The following RSRP1 variants were observed in gnomAD, a reference collection of about 807,000 sequenced individuals.
RSRP1 encodes arginine and serine rich protein 1.
RSRP1 carries 37 observed loss-of-function variants against 33.0 expected under a neutral mutation model. The ratio of observed to expected loss-of-function variants is 1.12; its 90% CI spans 0.86 to 1.48. The LOEUF is 1.48. Among genes scored for constraint, RSRP1 ranks in the 40% most tolerant of loss-of-function variants. The pLI, the probability that RSRP1 is intolerant of heterozygous loss-of-function variation, is 0.00. For synonymous variants in RSRP1, 167 were observed against 158.7 expected, an observed-to-expected ratio of 1.05 and a Z score of -0.40; for missense variants, 402 against 385.3, an observed-to-expected ratio of 1.04 and a Z score of -0.36.
rs867139151 is a variant in RSRP1 at position 25,322,024 on chromosome 1, A to G, written c.-67+15954T>C. 217 of 871,596 alleles carry G rather than the reference A, an allele frequency of 2.5e-4. 32 individuals are homozygous for G. In the Middle Eastern group the frequency reaches 5.2e-3, roughly 21 times the overall value. The allele number at this position is 871,596 out of a possible 1,614,324, so 54.0% of individuals were successfully genotyped here. A position where few individuals can be genotyped will look rare whatever the true frequency, so the allele number is the denominator to read the frequency against. On this transcript the variant is annotated intron_variant, in intron 1 of 1. Coordinates refer to the RSRP1 transcript ENST00000561867. ...GTGCATGAACTTAAAAACATACCTG[A>G]GTATATATGTTGACTTGCTGTTTAT...
rs201507704 is a variant in RSRP1, at chr1:25,280,857, C to T, written c.-66-33828G>A. ...AACTCCTCAGCTCAAGCAATCCTCC[C>T]TCCTTGGCCTCCCAAAGTGCTGGGA... On this transcript the variant is annotated intron_variant, in intron 1 of 1. Coordinates refer to the RSRP1 transcript ENST00000561867. 1.5e-4 allele frequency among the ~76,000 whole-genome samples: 20 copies of T among 132,002 alleles called. 2 individuals are homozygous for T. The highest frequency in any genetic ancestry group is 6.9e-4 in the South Asian group (3 of 4,328). The allele number at this position is 132,002 out of a possible 152,430, so 86.6% of individuals were successfully genotyped here. A position where few individuals can be genotyped will look rare whatever the true frequency, so the allele number is the denominator to read the frequency against.
intron 1 of RSRP1, among the ~76,000 whole-genome samples, chr1:25,306,058 GCTTT>G (rs1643805946): frequency 7.6e-6 from 1 of 131,934 alleles, no homozygotes; most frequent in Non-Finnish European, 1.8e-5. Context: ...GTGGCCTCAT[GCTTT>G]CTTTCTAACC....
chr1:25,283,535 T>TAA (rs143319928), intron 1 of RSRP1, among the ~76,000 whole-genome samples: 1 of 109,230 alleles, frequency 9.2e-6, no homozygotes. Context: ...ATCTCGATAT[T>TAA]AAAAAAAAAA....
rs1307238266 is a variant in RSRP1, at chr1:25,299,091, A to C, written c.-67+38887T>G. Reference sequence around the variant, plus strand: ...TGGTGATAAAAAAAAAAAAAAAAAAAAAAAAACAGGCTGGGAGCAGTGGCT... The same window carrying C: ...TGGTGATAAAAAAAAAAAAAAAAAACAAAAAACAGGCTGGGAGCAGTGGCT... On this transcript the variant is annotated intron_variant, in intron 1 of 1. Transcript: ENST00000561867. Among the ~76,000 whole-genome samples, 4 of 126,802 alleles carry C rather than the reference A, an allele frequency of 3.2e-5. 1 individual carries two copies. Among genetic ancestry groups the C allele is most frequent in the East Asian group, 2.0e-4 (1 of 5,100 alleles). 83.2% of individuals were successfully genotyped at this position (126,802 alleles called of 152,430 possible). A position where few individuals can be genotyped will look rare whatever the true frequency, so the allele number is the denominator to read the frequency against.
At chr1:25,256,858 AT>A (rs1639965513) in intron 1 of RSRP1, among the ~76,000 whole-genome samples, 1 of 152,106 alleles carries the variant, frequency 6.6e-6, no homozygotes, top group African/African-American at 2.4e-5. Context: ...TGCATCAGGC[AT>A]CTCACAATGA....
chr1:25,275,446 T>C (rs1470795622), intron 1 of RSRP1, among the ~76,000 whole-genome samples: 2 of 131,596 alleles, frequency 1.5e-5, no homozygotes, highest in East Asian at 2.0e-4. Flanking sequence ...CCAGGGCTGG[T>C]GTTGGGCACA....
In RSRP1 at chr1:25,315,597, C is replaced by T. The variant is rs534658935; in HGVS notation, c.-67+22381G>A. 1.9e-4 allele frequency among the ~76,000 whole-genome samples: 24 copies of T among 125,166 alleles called. 3 individuals carry two copies. Among genetic ancestry groups the T allele is most frequent in the East Asian group, 5.9e-4 (3 of 5,044 alleles). 82.1% of individuals were successfully genotyped at this position (125,166 alleles called of 152,430 possible). A position where few individuals can be genotyped will look rare whatever the true frequency, so the allele number is the denominator to read the frequency against. ...CTGCAAACTCCACCTCCCAGGTTCACGCCGTTCTCCTGCCTCAGCCTCCTG... is the reference window on the plus strand; with the variant it reads ...CTGCAAACTCCACCTCCCAGGTTCATGCCGTTCTCCTGCCTCAGCCTCCTG... On this transcript the variant is annotated intron_variant, in intron 1 of 1. Transcript: ENST00000561867.
chr1:25,314,713 A>C lies in RSRP1; in HGVS notation c.-67+23265T>G, dbSNP rs1269856406. Among the ~76,000 whole-genome samples the C allele has an allele frequency of 1.4e-4, 18 of 131,412 alleles. 3 individuals carry two copies. Among genetic ancestry groups the C allele is most frequent in the East Asian group, 7.8e-4 (4 of 5,098 alleles). 86.2% of individuals were successfully genotyped at this position (131,412 alleles called of 152,430 possible). A position where few individuals can be genotyped will look rare whatever the true frequency, so the allele number is the denominator to read the frequency against. ...TAGAGACAGGGTTTTGCCATGTTGG[A>C]CAGGCTGATCTTGGACTCCTGGCCT... On this transcript the variant is annotated intron_variant, in intron 1 of 1. Transcript: ENST00000561867.
At chr1:25,259,311 T>A (rs1640052835) in intron 1 of RSRP1, among the ~76,000 whole-genome samples, 1 of 152,070 alleles carries the variant, frequency 6.6e-6, no homozygotes, top group South Asian at 2.1e-4. Flanking sequence ...CAGGCTGATC[T>A]CAAACTCCTG....
chr1:25,247,161 C>G (rs935336975), intron 1 of RSRP1, 132 bp from the exon 2 acceptor site: 4 of 545,832 alleles, frequency 7.3e-6, no homozygotes, highest in African/African-American at 5.8e-5. Context: ...AGGAACCGAG[C>G]CCTAGAAACC....
rs186522372 is a variant in RSRP1, at chr1:25,292,656, G to C, written c.-67+45322C>G. Among the ~76,000 whole-genome samples the C allele has an allele frequency of 1.4e-4, 18 of 129,626 alleles. 1 individual carries two copies. The highest frequency in any genetic ancestry group is 3.9e-4 in the East Asian group (2 of 5,108). 85.0% of individuals were successfully genotyped at this position (129,626 alleles called of 152,430 possible). On this transcript the variant is annotated intron_variant, in intron 1 of 1. Coordinates refer to the RSRP1 transcript ENST00000561867. ...AGCGTTAGGGTTAAGGTTGGGGGAG[G>C]GGGGGTAGAGATGTGTATGAAACAT...
intron 1 of RSRP1, among the ~76,000 whole-genome samples, chr1:25,312,948 A>AAAAAAAAAAAAC (rs1557556998): frequency 9.0e-6 from 1 of 110,594 alleles, no homozygotes; most frequent in Non-Finnish European, 2.2e-5. Flanking sequence ...AAAAAAAAAA[A>AAAAAAAAAAAAC]AAAAAAACTT....
chr1:25,310,113 C>A (rs1438290896), intron 1 of RSRP1, among the ~76,000 whole-genome samples: 1 of 132,462 alleles, frequency 7.5e-6, no homozygotes, highest in Non-Finnish European at 1.8e-5. Flanking sequence ...TTGTCTCATT[C>A]CAGGATAACC....
chr1:25,308,403 C>T (rs1801096), intron 1 of RSRP1, among the ~76,000 whole-genome samples: 109,374 of 117,542 alleles, frequency 0.93, 52,304 homozygotes, highest in Non-Finnish European at 1. Flanking sequence ...CATGTTTGAA[C>T]AAGCCCCACA....
rs1638915690 is a variant in RSRP1, at chr1:25,242,488, C to A, written c.*101G>T. On this transcript the variant is annotated 3_prime_UTR_variant, in exon 5 of 5. Coordinates refer to ENST00000243189, the MANE Select transcript of RSRP1 (RefSeq NM_020317.5). ...CTTTTTGTGTTGGTTTTTAAATGCA[C>A]AAGTACCCCTGAATGGCTCAAAGGG... 1 of 688,854 alleles carries A rather than the reference C, an allele frequency of 1.5e-6. No individual in the cohort carries two copies. Among genetic ancestry groups the A allele is most frequent in the Non-Finnish European group, 2.5e-6 (1 of 397,476 alleles). The allele number at this position is 688,854 out of a possible 1,614,324, so 42.7% of individuals were successfully genotyped here. A position where few individuals can be genotyped will look rare whatever the true frequency, so the allele number is the denominator to read the frequency against.
In RSRP1 at chr1:25,306,750, C is replaced by G; in HGVS notation, c.-67+31228G>C. 16 of 1,374,494 alleles carry G rather than the reference C, an allele frequency of 1.2e-5. 4 individuals carry two copies. Among genetic ancestry groups the G allele is most frequent in the Non-Finnish European group, 1.6e-5 (16 of 976,112 alleles). The allele number at this position is 1,374,494 out of a possible 1,614,324, so 85.1% of individuals were successfully genotyped here. On this transcript the variant is annotated intron_variant, in intron 1 of 1. Coordinates refer to the RSRP1 transcript ENST00000561867. ...GGCATGTGGGTCACTGGGCTTACCC[C>G]CCATCCCCTTAACACTCCCCTCCAA...
chr1:25,277,894 G>A lies in RSRP1; in HGVS notation c.-66-30865C>T, dbSNP rs1161028549. The stretch of plus-strand genomic sequence containing the variant: ...TCTCCATGTTGGTGAGGCTGGTCTC[G>A]AACTCCCAACCTCAGGTGATGCACC... On this transcript the variant is annotated intron_variant, in intron 1 of 1. Coordinates refer to the RSRP1 transcript ENST00000561867. Among the ~76,000 whole-genome samples, 3 of 132,402 alleles carry A rather than the reference G, an allele frequency of 2.3e-5. No individual in the cohort carries two copies. The East Asian group carries it at 5.8e-4, about 26-fold the overall frequency. The allele number at this position is 132,402 out of a possible 152,430, so 86.9% of individuals were successfully genotyped here. A position where few individuals can be genotyped will look rare whatever the true frequency, so the allele number is the denominator to read the frequency against.
chr1:25,257,284 T>G (rs1425822435), intron 1 of RSRP1, among the ~76,000 whole-genome samples: 1 of 152,218 alleles, frequency 6.6e-6, no homozygotes, highest in Admixed American at 6.5e-5. Flanking sequence ...TTTTAATTTA[T>G]TTTTAATGTG....
At position 25,282,900 on chromosome 1, in the gene RSRP1, A is replaced by G. The variant is rs572575427; in HGVS notation, c.-66-35871T>C. Among the ~76,000 whole-genome samples the G allele has an allele frequency of 9.6e-4, 127 of 131,624 alleles. 21 individuals carry two copies. Among genetic ancestry groups the G allele is most frequent in the African/African-American group, 3.3e-3 (127 of 38,702 alleles). 86.4% of individuals were successfully genotyped at this position (131,624 alleles called of 152,430 possible). A position where few individuals can be genotyped will look rare whatever the true frequency, so the allele number is the denominator to read the frequency against. Reference sequence around the variant, plus strand: ...ACAGAGAGACTCTGTCTCGAAAAAAAAAAATTGTCTACATGCTGGTTGCAG... The same window carrying G: ...ACAGAGAGACTCTGTCTCGAAAAAAGAAAATTGTCTACATGCTGGTTGCAG... On this transcript the variant is annotated intron_variant, in intron 1 of 1. Coordinates refer to the RSRP1 transcript ENST00000561867.
Sources: allele counts gnomAD v4.1 joint callset (sites outside exome capture counted in the v4.1 genomes callset), GRCh38; gene constraint gnomAD v4.1.1; transcripts MANE v1.5; gene names NCBI Gene and HGNC (gene_info 2026-07-23, HGNC 2026-07-21).